ABCC1: variants seen among roughly 807,000 people sequenced by gnomAD.
ABCC1 encodes the protein ATP binding cassette subfamily C member 1 (ABCC1 blood group).
ABCC1 carries 83 observed loss-of-function variants against 172.9 expected under a neutral mutation model. That is an observed-to-expected ratio of 0.48 (90% confidence interval 0.40 to 0.58). The LOEUF is 0.58. ABCC1 is among the 20% of genes least tolerant of loss of function. The pLI is 0.00. For missense variants in ABCC1, 1,817 were observed against 2,002.7 expected (o/e 0.91, Z 1.77); for synonymous variants, 937 against 825.2 (o/e 1.14, Z -2.32).
intron 5 of ABCC1, among the ~76,000 whole-genome samples, chr16:16,028,086 C>T (rs1041643406): frequency 6.6e-6 from 1 of 152,118 alleles, no homozygotes; most frequent in Non-Finnish European, 1.5e-5. Flanking sequence ...AGAAGCTGCC[C>T]CTCCACCCCT....
chr16:15,992,125 A>G (rs2151635587), intron 1 of ABCC1, among the ~76,000 whole-genome samples: 1 of 151,948 alleles, frequency 6.6e-6, no homozygotes, highest in East Asian at 1.9e-4. Context: ...TGCGCGAGGG[A>G]TCCAGGCTGT....
rs1380369939 is a variant in ABCC1 at position 16,141,415 on chromosome 16, CAT to C, written c.*137_*138del. 2.6e-6 allele frequency: 2 copies of C among 764,752 alleles called. No individual in the cohort carries two copies. Among genetic ancestry groups the C allele is most frequent in the Non-Finnish European group, 2.1e-6 (1 of 472,700 alleles). 47.4% of individuals were successfully genotyped at this position (764,752 alleles called of 1,614,324 possible). A position where few individuals can be genotyped will look rare whatever the true frequency, so the allele number is the denominator to read the frequency against. On this transcript the variant is annotated 3_prime_UTR_variant, in exon 31 of 31. Coordinates refer to ENST00000399410, the MANE Select transcript of ABCC1 (RefSeq NM_004996.4). ...AAAAACCAAACCCAGACAACCAAAA[CAT>C]ATTCAAAGCAGCAGCCACCGCCATC...
chr16:16,123,664 A>G (rs2045270119), intron 24 of ABCC1, among the ~76,000 whole-genome samples: 1 of 152,018 alleles, frequency 6.6e-6, no homozygotes, highest in South Asian at 2.1e-4. Flanking sequence ...ATAAAATAAA[A>G]AGTAAAATAA....
At position 15,971,371 on chromosome 16, in the gene ABCC1, C is replaced by G. The variant is rs185386857; in HGVS notation, c.48+21572C>G. ...AGGGCAAGAAGGCTGTGGGAATCGC[C>G]ATGTTTGGGTGGACCCAGTTTCTAA... On this transcript the variant is annotated intron_variant, in intron 1 of 30. Coordinates refer to ENST00000399410, the MANE Select transcript of ABCC1 (RefSeq NM_004996.4). 5.3e-3 allele frequency among the ~76,000 whole-genome samples: 801 copies of G among 152,238 alleles called. 2 individuals carry two copies. The highest frequency in any genetic ancestry group is 9.0e-3 in the Non-Finnish European group (611 of 68,028).
intron 3 of ABCC1, among the ~76,000 whole-genome samples, chr16:16,012,427 G>C (rs939119406): frequency 6.6e-6 from 1 of 151,946 alleles, no homozygotes; most frequent in Non-Finnish European, 1.5e-5. Flanking sequence ...AAAGGGCTTT[G>C]CTTTGTCCTG....
chr16:16,018,329 A>T (rs1232460049), intron 5 of ABCC1, among the ~76,000 whole-genome samples: 1 of 152,138 alleles, frequency 6.6e-6, no homozygotes. Context: ...CAGGCAGATC[A>T]GTTGAGTTCA....
At chr16:16,079,572 C>T in intron 16 of ABCC1, 94 bp downstream of exon 16, 1 of 1,460,376 alleles carries the variant, frequency 6.8e-7, no homozygotes, top group Non-Finnish European at 9.2e-7. Context: ...TGTCCCTGTG[C>T]CAGAAGCGAA....
intron 28 of ABCC1, 106 bp from the exon 29 acceptor site, chr16:16,136,372 T>A: frequency 4.7e-6 from 6 of 1,277,496 alleles, no homozygotes; most frequent in Non-Finnish European, 6.5e-6. Flanking sequence ...CAAGGAGCTC[T>A]GATACCCCAC....
Position 16,012,238 on chromosome 16 carries a change from G to C in ABCC1, c.352-2253G>C, listed in dbSNP as rs7201642. On this transcript the variant is annotated intron_variant, in intron 3 of 30. Coordinates refer to ENST00000399410, the MANE Select transcript of ABCC1 (RefSeq NM_004996.4). ...ACAGAGAGGAGAAGGACTGGCCCAAGGTCACCTGGTCAGTAAGTGGTAGAG... is the reference window on the plus strand; with the variant it reads ...ACAGAGAGGAGAAGGACTGGCCCAACGTCACCTGGTCAGTAAGTGGTAGAG... Among the ~76,000 whole-genome samples the C allele has an allele frequency of 6.1e-3, 928 of 152,326 alleles. 10 individuals carry two copies. The highest frequency in any genetic ancestry group is 0.021 in the African/African-American group (890 of 41,584).
At chr16:16,052,326 T>C (rs190826502) in intron 10 of ABCC1, among the ~76,000 whole-genome samples, 1 of 152,128 alleles carries the variant, frequency 6.6e-6, no homozygotes, top group Non-Finnish European at 1.5e-5. Flanking sequence ...CAAGACCTAA[T>C]GCTTACCTGT....
In ABCC1 at chr16:16,079,429, C is replaced by G; in HGVS notation, c.2066C>G (p.Ser689Ter). ...QVGCGKSSLL[S>*]ALLAEMDKVE... ...GGCTGCGGAAAGTCGTCCCTGCTCTCAGCCCTCTTGGCTGAGATGGACAAA... is the reference window on the plus strand; with the variant it reads ...GGCTGCGGAAAGTCGTCCCTGCTCTGAGCCCTCTTGGCTGAGATGGACAAA... Residue 689 changes from serine (S) to a stop codon, truncating the protein, a stop_gained, in exon 16 of 31, where the codon TCA (serine) becomes TGA (stop). Coordinates refer to ENST00000399410, the MANE Select transcript of ABCC1 (RefSeq NM_004996.4). LOFTEE classifies it high-confidence loss of function. The G allele has an allele frequency of 6.2e-7, 1 of 1,614,020 alleles. No individual in the cohort carries two copies. The highest frequency in any genetic ancestry group is 8.5e-7 in the Non-Finnish European group (1 of 1,179,914).
chr16:15,955,129 A>G (rs1216714269), intron 1 of ABCC1, among the ~76,000 whole-genome samples: 1 of 152,198 alleles, frequency 6.6e-6, no homozygotes, highest in Middle Eastern at 3.4e-3. Context: ...GCCAAGGCAG[A>G]CGGATCATTT....
At chr16:16,005,051 C>G (rs2047475543) in intron 1 of ABCC1, among the ~76,000 whole-genome samples, 1 of 147,364 alleles carries the variant, frequency 6.8e-6, no homozygotes, top group Non-Finnish European at 1.5e-5. Context: ...TCTTATTTCC[C>G]TCATTTCTCA....
intron 22 of ABCC1, among the ~76,000 whole-genome samples, chr16:16,113,696 T>G (rs550903955): frequency 1.4e-3 from 209 of 152,250 alleles, no homozygotes; most frequent in African/African-American, 4.5e-3. Flanking sequence ...TCGATTAGAC[T>G]AGACACGTTT....
intron 5 of ABCC1, among the ~76,000 whole-genome samples, chr16:16,027,016 A>C (rs930024183): frequency 2.0e-5 from 3 of 152,096 alleles, no homozygotes; most frequent in Non-Finnish European, 4.4e-5. Context: ...ACTTAGTTTT[A>C]CTGGGCCGAG....
At chr16:15,952,938 GC>G (rs1484970676) in intron 1 of ABCC1, among the ~76,000 whole-genome samples, 3 of 151,680 alleles carry the variant, frequency 2.0e-5, no homozygotes, top group African/African-American at 7.3e-5. Flanking sequence ...TACTAGGGAG[GC>G]TGAGGCACTA....
intron 5 of ABCC1, among the ~76,000 whole-genome samples, chr16:16,024,391 A>C (rs2048300735): frequency 6.6e-6 from 1 of 152,110 alleles, no homozygotes; most frequent in Non-Finnish European, 1.5e-5. Context: ...TCACTCTGTC[A>C]CCAAGGTTGG....
chr16:16,139,771 G>C (rs766378634), intron 30 of ABCC1, among the ~76,000 whole-genome samples: 48 of 152,172 alleles, frequency 3.2e-4, no homozygotes, highest in Admixed American at 9.8e-4. Context: ...CATAGTGCCA[G>C]GGTCCTGGGG....
intron 5 of ABCC1, among the ~76,000 whole-genome samples, chr16:16,031,115 C>T (rs1401756765): frequency 1.3e-5 from 2 of 152,152 alleles, no homozygotes; most frequent in African/African-American, 4.8e-5. Context: ...TCCCAAAGTA[C>T]TGGGATTACA....
Sources: allele counts gnomAD v4.1 joint callset (sites outside exome capture counted in the v4.1 genomes callset), GRCh38; gene constraint gnomAD v4.1.1; transcripts MANE v1.5; gene names NCBI Gene and HGNC (gene_info 2026-07-23, HGNC 2026-07-21).